Variants in SPATA16 observed in about 807,000 individuals in gnomAD.
SPATA16 encodes the protein spermatogenesis associated 16.
In SPATA16, 36 loss-of-function variants were observed where a neutral mutation model predicts 63.3. That is an observed-to-expected ratio of 0.57 (90% CI 0.44 to 0.75). The LOEUF (loss-of-function observed/expected upper bound fraction) is 0.75. Ranked by LOEUF, SPATA16 falls within the 30% of genes least tolerant of loss-of-function variation. The pLI is 0.00. For synonymous variants in SPATA16, 203 were observed against 216.7 expected (o/e 0.94, Z 0.56); for missense variants, 646 against 679.3 (o/e 0.95, Z 0.54).
rs191492824 is a variant in SPATA16 at position 172,932,219 on chromosome 3, T to C, written c.1082-6727A>G. Among the ~76,000 whole-genome samples, 523 of 152,318 alleles carry C rather than the reference T, an allele frequency of 3.4e-3. 5 individuals carry two copies. The highest frequency in any genetic ancestry group is 0.012 in the African/African-American group (508 of 41,586). On this transcript the variant is annotated intron_variant, in intron 6 of 10. Transcript: ENST00000351008. ...ACAGCCAACAGATCATGAAGGAACA[T>C]TGCAAAGCAGTTTCTTAAAAAGAAA...
chr3:173,056,779 A>C (rs1305884281), intron 2 of SPATA16, among the ~76,000 whole-genome samples: 1 of 151,088 alleles, frequency 6.6e-6, no homozygotes, highest in East Asian at 1.9e-4. Flanking sequence ...TTTTTCTGTA[A>C]ATACATAGAT....
intron 4 of SPATA16, among the ~76,000 whole-genome samples, chr3:173,007,393 A>G (rs1255428676): frequency 6.6e-6 from 1 of 152,182 alleles, no homozygotes; most frequent in Non-Finnish European, 1.5e-5. Flanking sequence ...ATAGGAGTAA[A>G]CAGAAAGACA....
chr3:173,067,938 C>G (rs1736562980), intron 2 of SPATA16, among the ~76,000 whole-genome samples: 1 of 152,086 alleles, frequency 6.6e-6, no homozygotes, highest in African/African-American at 2.4e-5. Flanking sequence ...TCCTTACAGG[C>G]CAAGAGGAAG....
chr3:173,128,616 C>A (rs1738290170), intron 1 of SPATA16, among the ~76,000 whole-genome samples: 1 of 152,148 alleles, frequency 6.6e-6, no homozygotes, highest in Non-Finnish European at 1.5e-5. Context: ...GGCATATGCT[C>A]CGCCTCCTGA....
intron 2 of SPATA16, among the ~76,000 whole-genome samples, chr3:173,086,244 C>T (rs1016478417): frequency 6.6e-6 from 1 of 152,098 alleles, no homozygotes; most frequent in East Asian, 1.9e-4. Flanking sequence ...TCAACTTGTT[C>T]GTGGTACAAC....
intron 6 of SPATA16, 87 bp from the exon 7 acceptor site, chr3:172,925,579 C>G: frequency 6.5e-7 from 1 of 1,539,536 alleles, no homozygotes; most frequent in Non-Finnish European, 9.0e-7. Flanking sequence ...AGGAATTGTA[C>G]TTGGAAAAAA....
At chr3:172,992,052 T>C (rs995768960) in intron 4 of SPATA16, among the ~76,000 whole-genome samples, 1 of 152,110 alleles carries the variant, frequency 6.6e-6, no homozygotes, top group East Asian at 1.9e-4. Context: ...TTTGCACCCT[T>C]GAACTAGTTA....
At chr3:173,043,297 C>A in intron 3 of SPATA16, among the ~76,000 whole-genome samples, 1 of 151,898 alleles carries the variant, frequency 6.6e-6, no homozygotes, top group Non-Finnish European at 1.5e-5. Flanking sequence ...AATTTTAAGT[C>A]AATTATTGGC....
chr3:172,916,535 T>C, intron 8 of SPATA16, 54 bp from the exon 9 acceptor site: 1 of 1,591,612 alleles, frequency 6.3e-7, no homozygotes, highest in Non-Finnish European at 8.6e-7. Flanking sequence ...AATAGACCTC[T>C]CCCCAGGGCT....
At chr3:172,942,547 A>G (rs966979923) in intron 6 of SPATA16, among the ~76,000 whole-genome samples, 2 of 152,176 alleles carry the variant, frequency 1.3e-5, no homozygotes, top group African/African-American at 4.8e-5. Context: ...AAAAAGTGAA[A>G]ACTGACAAAT....
chr3:173,083,943 T>A (rs1736983869), intron 2 of SPATA16, among the ~76,000 whole-genome samples: 1 of 152,106 alleles, frequency 6.6e-6, no homozygotes, highest in South Asian at 2.1e-4. Context: ...AGCGCTGCAA[T>A]GAAGTATTCA....
At chr3:173,038,324 G>T (rs1735761160) in intron 3 of SPATA16, among the ~76,000 whole-genome samples, 1 of 152,036 alleles carries the variant, frequency 6.6e-6, no homozygotes, top group Non-Finnish European at 1.5e-5. Context: ...ATTGAGGGAA[G>T]TTGCCTTGAG....
chr3:173,017,975 G>A (rs1735230820), intron 4 of SPATA16, among the ~76,000 whole-genome samples: 1 of 152,186 alleles, frequency 6.6e-6, no homozygotes, highest in Non-Finnish European at 1.5e-5. Context: ...GAGCCACAGA[G>A]ACATTTCAGT....
rs563474212 is a variant in SPATA16, at chr3:173,114,208, A to G, written c.612+2912T>C. On this transcript the variant is annotated intron_variant, in intron 2 of 10. Transcript: ENST00000351008. Reference sequence around the variant, plus strand: ...AAAAAAAAAAAAAAAAAAGAGTCTCATAACACTTCCCTCATAGCAAGCCTT... The same window carrying G: ...AAAAAAAAAAAAAAAAAAGAGTCTCGTAACACTTCCCTCATAGCAAGCCTT... 2.0e-4 allele frequency among the ~76,000 whole-genome samples: 30 copies of G among 150,510 alleles called. No individual in the cohort carries two copies. In the East Asian group the frequency reaches 5.7e-3, roughly 28 times the overall value.
At chr3:173,128,304 T>A (rs1251932728) in intron 1 of SPATA16, among the ~76,000 whole-genome samples, 1 of 152,192 alleles carries the variant, frequency 6.6e-6, no homozygotes, top group Non-Finnish European at 1.5e-5. Context: ...GGTGCTGACT[T>A]TATATATCCC....
At chr3:173,063,520 A>T (rs1736440028) in intron 2 of SPATA16, among the ~76,000 whole-genome samples, 1 of 152,212 alleles carries the variant, frequency 6.6e-6, no homozygotes. Context: ...CAGCCTGGTC[A>T]GCCAACGTCT....
intron 2 of SPATA16, among the ~76,000 whole-genome samples, chr3:173,114,788 A>C (rs1326563936): frequency 6.6e-6 from 1 of 152,254 alleles, no homozygotes; most frequent in African/African-American, 2.4e-5. Flanking sequence ...GAGATGCTTT[A>C]AATGATATGT....
At chr3:173,019,722 G>C (rs979445573) in intron 3 of SPATA16, 147 bp from the exon 4 acceptor site, 1 of 702,046 alleles carries the variant, frequency 1.4e-6, no homozygotes, top group Admixed American at 2.4e-5. Context: ...CCCGCCCCCC[G>C]TAATTGGCAA....
intron 2 of SPATA16, among the ~76,000 whole-genome samples, chr3:173,097,261 C>G (rs1737381471): frequency 6.6e-6 from 1 of 152,072 alleles, no homozygotes; most frequent in Admixed American, 6.6e-5. Flanking sequence ...TTAAGTAACC[C>G]TTATTTTACT....
Sources: gnomAD v4.1 joint callset for allele counts (sites outside exome capture counted in the v4.1 genomes callset) on GRCh38, gnomAD v4.1.1 for gene constraint, MANE v1.5 for transcripts, NCBI Gene and HGNC (gene_info 2026-07-23, HGNC 2026-07-21) for gene names.